ADCY2: variants seen among roughly 807,000 people sequenced by gnomAD.
The protein encoded by ADCY2 is adenylate cyclase type 2.
In ADCY2, 31 loss-of-function variants were observed where a neutral mutation model predicts 125.2. The ratio of observed to expected loss-of-function variants is 0.25; its 90% confidence interval spans 0.19 to 0.33. The LOEUF is 0.33. ADCY2 is among the 10% of genes least tolerant of loss of function. The pLI is 1.00. For missense variants in ADCY2, 904 were observed against 1,418.2 expected (o/e 0.64, Z 5.82); for synonymous variants, 512 against 548.4 (o/e 0.93, Z 0.93).
chr5:7,740,662 C>A (rs1742381385), intron 14 of ADCY2, among the ~76,000 whole-genome samples: 1 of 151,878 alleles, frequency 6.6e-6, no homozygotes, highest in East Asian at 1.9e-4. Context: ...CAAGAACCAA[C>A]CAAAAATAAT....
chr5:7,785,649 T>A (rs1432151799), intron 19 of ADCY2, among the ~76,000 whole-genome samples: 2 of 152,304 alleles, frequency 1.3e-5, no homozygotes, highest in Admixed American at 1.3e-4. Flanking sequence ...CTCCCTTGAG[T>A]ACTTTATAAT....
rs1739053121 is a variant in ADCY2 at position 7,396,597 on chromosome 5, C to T, written c.210+91C>T. The T allele has an allele frequency of 1.3e-6, 1 of 776,884 alleles. No homozygotes were observed. 48.1% of individuals were successfully genotyped at this position (776,884 alleles called of 1,614,324 possible). A position where few individuals can be genotyped will look rare whatever the true frequency, so the allele number is the denominator to read the frequency against. ...GAGCCGCGTCCCGCTCCGGGCTGCC[C>T]CTCGGCCCGCGGCAGCCCCTCGGCC... On this transcript the variant is annotated intron_variant, in intron 1 of 24. Coordinates refer to ENST00000338316, the MANE Select transcript of ADCY2 (RefSeq NM_020546.3). This position sits in a 1 kb window ranked among gnomAD's most constrained non-coding sequence, Gnocchi z 5.7.
chr5:7,540,390 G>C (rs931613392), intron 3 of ADCY2, among the ~76,000 whole-genome samples: 1 of 152,076 alleles, frequency 6.6e-6, no homozygotes, highest in African/African-American at 2.4e-5. Flanking sequence ...TGGATGTGAG[G>C]TTAGTTTTTA....
chr5:7,672,394 T>C (rs1739965001), intron 4 of ADCY2, among the ~76,000 whole-genome samples: 1 of 152,204 alleles, frequency 6.6e-6, no homozygotes. Context: ...AAGGGAACTT[T>C]CTCTATACTG....
chr5:7,795,610 C>A (rs1053524110), intron 20 of ADCY2: 2 of 152,232 alleles, frequency 1.3e-5, no homozygotes, highest in East Asian at 1.9e-4. Flanking sequence ...GCCCCGGCAT[C>A]CACCACACTA....
chr5:7,445,449 T>C (rs944015065), intron 2 of ADCY2, among the ~76,000 whole-genome samples: 17 of 152,214 alleles, frequency 1.1e-4, no homozygotes, highest in African/African-American at 3.9e-4. Flanking sequence ...AAATTATATG[T>C]TTAATATCTG....
intron 4 of ADCY2, among the ~76,000 whole-genome samples, chr5:7,639,794 C>T (rs550001187): frequency 6.6e-6 from 1 of 152,288 alleles, no homozygotes; most frequent in South Asian, 2.1e-4. Flanking sequence ...CCAGGATAAA[C>T]AGCAGAGATT....
At chr5:7,512,101 A>C (rs1487268940) in intron 2 of ADCY2, among the ~76,000 whole-genome samples, 1 of 151,004 alleles carries the variant, frequency 6.6e-6, no homozygotes, top group East Asian at 2.0e-4. Flanking sequence ...CACACCTGTA[A>C]TTCTAGCTAT....
intron 4 of ADCY2, among the ~76,000 whole-genome samples, chr5:7,665,386 TCAG>T (rs1052016649): frequency 4.6e-5 from 7 of 151,978 alleles, no homozygotes; most frequent in Admixed American, 1.3e-4. Context: ...CATTGGGAAC[TCAG>T]CAGTGTAATT....
intron 2 of ADCY2, among the ~76,000 whole-genome samples, chr5:7,513,928 A>C (rs566412036): frequency 1.3e-5 from 2 of 152,188 alleles, no homozygotes; most frequent in Non-Finnish European, 2.9e-5. Context: ...CTTTAATGTT[A>C]CTAGCCTAAC....
chr5:7,524,123 A>T (rs887933520), intron 3 of ADCY2, among the ~76,000 whole-genome samples: 8 of 152,316 alleles, frequency 5.3e-5, no homozygotes, highest in Middle Eastern at 3.4e-3. Context: ...TCAGGCCATG[A>T]TGTATCACCT....
chr5:7,644,479 T>C lies in ADCY2; in HGVS notation c.720+18163T>C, dbSNP rs73051844. Among the ~76,000 whole-genome samples, 1,186 of 152,264 alleles carry C rather than the reference T, an allele frequency of 7.8e-3. 18 individuals carry two copies. The highest frequency in any genetic ancestry group is 0.027 in the African/African-American group (1,118 of 41,560). ...TGCACAGGGGCACATTTTCTCCATATTTATGTTGGCCAGCTTTTAGCCCAT... is the reference window on the plus strand; with the variant it reads ...TGCACAGGGGCACATTTTCTCCATACTTATGTTGGCCAGCTTTTAGCCCAT... On this transcript the variant is annotated intron_variant, in intron 4 of 24. Transcript: ENST00000338316.
intron 4 of ADCY2, among the ~76,000 whole-genome samples, chr5:7,676,579 A>G (rs1293892864): frequency 6.6e-6 from 1 of 152,238 alleles, no homozygotes; most frequent in East Asian, 1.9e-4. Flanking sequence ...CTTAAAATAA[A>G]CTGAAAGTGA....
At chr5:7,716,590 A>C (rs1741597630) in intron 11 of ADCY2, among the ~76,000 whole-genome samples, 2 of 152,204 alleles carry the variant, frequency 1.3e-5, no homozygotes, top group African/African-American at 4.8e-5. Context: ...CAATCCAAAG[A>C]GTGGCTGGAT....
At chr5:7,762,641 C>T (rs1215680465) in intron 16 of ADCY2, among the ~76,000 whole-genome samples, 1 of 152,208 alleles carries the variant, frequency 6.6e-6, no homozygotes, top group Non-Finnish European at 1.5e-5. Context: ...AGGGTTGTTT[C>T]CCTTTTTACC....
intron 2 of ADCY2, among the ~76,000 whole-genome samples, chr5:7,431,929 A>G (rs1740615980): frequency 6.6e-6 from 1 of 152,130 alleles, no homozygotes; most frequent in Admixed American, 6.5e-5. Context: ...CAAAGTGAGA[A>G]CATACATCCC....
intron 3 of ADCY2, among the ~76,000 whole-genome samples, chr5:7,601,226 TC>T (rs35638568): frequency 6.6e-6 from 1 of 152,156 alleles, no homozygotes; most frequent in African/African-American, 2.4e-5. Context: ...CACCACCTGA[TC>T]CAGGTTTTTC....
intron 19 of ADCY2, among the ~76,000 whole-genome samples, chr5:7,787,779 AT>A (rs1310801253): frequency 6.6e-6 from 1 of 152,000 alleles, no homozygotes; most frequent in Non-Finnish European, 1.5e-5. Flanking sequence ...AAATACTCTG[AT>A]TTTTTTTAGT....
At chr5:7,794,908 C>G (rs1449755333) in intron 20 of ADCY2, 1 of 152,016 alleles carries the variant, frequency 6.6e-6, no homozygotes, top group East Asian at 1.9e-4. Context: ...AGTGTCAGGA[C>G]CAAATACTGA....
Sources: allele counts gnomAD v4.1 joint callset (sites outside exome capture counted in the v4.1 genomes callset), GRCh38; gene constraint gnomAD v4.1.1; non-coding constraint Gnocchi (gnomAD v3.1); transcripts MANE v1.5; gene names NCBI Gene and HGNC (gene_info 2026-07-23, HGNC 2026-07-21).